Variants in ARHGAP22 observed in about 807,000 individuals in gnomAD.
ARHGAP22 encodes Rho GTPase activating protein 22.
Under a neutral mutation model 59.1 loss-of-function variants are expected in ARHGAP22, and 48 were observed. That is an observed-to-expected ratio of 0.81 (90% CI 0.64 to 1.03). The LOEUF is 1.03. Ranked by LOEUF, ARHGAP22 falls within the 50% of genes least tolerant of loss-of-function variation. The probability of loss-of-function intolerance (pLI) is 0.00; values close to 1 mark genes in which losing one functional copy is unlikely to be tolerated. For missense variants in ARHGAP22, 1,015 were observed against 958.7 expected (o/e 1.06, Z -0.78); for synonymous variants, 445 against 416.4 (o/e 1.07, Z -0.84).
intron 1 of ARHGAP22, among the ~76,000 whole-genome samples, chr10:48,598,399 A>G (rs999062664): frequency 2.4e-4 from 37 of 152,092 alleles, no homozygotes; most frequent in African/African-American, 8.5e-4. Flanking sequence ...GTGGTGCTGA[A>G]ACACTCTGGT....
At chr10:48,536,375 G>C (rs1160895844) in intron 3 of ARHGAP22, among the ~76,000 whole-genome samples, 1 of 152,240 alleles carries the variant, frequency 6.6e-6, no homozygotes, top group Non-Finnish European at 1.5e-5. Flanking sequence ...CTTCATGCTA[G>C]AGGACAAAGT....
At chr10:48,441,298 C>G (rs889237732), downstream of ARHGAP22, among the ~76,000 whole-genome samples, 3 of 152,062 alleles carry the variant, frequency 2.0e-5, no homozygotes, top group Non-Finnish European at 4.4e-5. Flanking sequence ...TAGAGAAGTG[C>G]AAGTGGGGCC....
At chr10:48,651,179 A>T (rs111309218) in intron 1 of ARHGAP22, among the ~76,000 whole-genome samples, 12 of 152,232 alleles carry the variant, frequency 7.9e-5, no homozygotes, top group African/African-American at 2.2e-4. Flanking sequence ...GGAGCCTGGG[A>T]ATTTTTAAAA....
intron 3 of ARHGAP22, among the ~76,000 whole-genome samples, chr10:48,536,568 G>T (rs1056990556): frequency 3.3e-5 from 5 of 152,120 alleles, no homozygotes; most frequent in African/African-American, 1.2e-4. Flanking sequence ...CTACAGCCAG[G>T]CCTCAATCCA....
intron 1 of ARHGAP22, 118 bp from the exon 2 acceptor site, chr10:48,583,270 A>T: frequency 8.2e-7 from 1 of 1,225,946 alleles, no homozygotes; most frequent in South Asian, 1.4e-5. Flanking sequence ...GGCCAGCAGG[A>T]TGTGAGCAGC....
chr10:48,566,557 A>G (rs1456236773), intron 2 of ARHGAP22, among the ~76,000 whole-genome samples: 1 of 152,188 alleles, frequency 6.6e-6, no homozygotes, highest in African/African-American at 2.4e-5. Context: ...CTTGCTGATG[A>G]CTTTCTCTTG....
chr10:48,546,614 C>A, intron 3 of ARHGAP22: 2 of 166,262 alleles, frequency 1.2e-5, no homozygotes, highest in South Asian at 3.0e-4. Context: ...CCATACCTGT[C>A]ATGAAAATCA....
At chr10:48,453,543 C>T in intron 7 of ARHGAP22, 118 bp from the exon 8 acceptor site, 3 of 1,470,516 alleles carry the variant, frequency 2.0e-6, no homozygotes, top group Non-Finnish European at 2.8e-6. Context: ...GGGCTTTTGC[C>T]CACTGGGTGT....
intron 2 of ARHGAP22, among the ~76,000 whole-genome samples, chr10:48,563,558 G>T (rs906041566): frequency 6.6e-6 from 1 of 152,180 alleles, no homozygotes; most frequent in Non-Finnish European, 1.5e-5. Flanking sequence ...TTAATTAAAT[G>T]CTTGCCATCG....
chr10:48,490,243 T>A (rs2050255366), intron 3 of ARHGAP22, among the ~76,000 whole-genome samples: 1 of 152,188 alleles, frequency 6.6e-6, no homozygotes, highest in African/African-American at 2.4e-5. Context: ...GTCTAAGTGT[T>A]CCCTTTTATT....
chr10:48,635,623 A>G (rs1337465794), intron 1 of ARHGAP22, among the ~76,000 whole-genome samples: 1 of 152,258 alleles, frequency 6.6e-6, no homozygotes, highest in Non-Finnish European at 1.5e-5. Context: ...TTCCAGGCTT[A>G]TGGCAGGTGA....
chr10:48,646,033 A>T (rs544058930), intron 1 of ARHGAP22, among the ~76,000 whole-genome samples: 1 of 152,342 alleles, frequency 6.6e-6, no homozygotes, highest in East Asian at 1.9e-4. Context: ...AGCAAAAATC[A>T]ATTGTATACC....
At chr10:48,530,031 GT>G (rs1325500060) in intron 3 of ARHGAP22, among the ~76,000 whole-genome samples, 1 of 152,108 alleles carries the variant, frequency 6.6e-6, no homozygotes, top group Non-Finnish European at 1.5e-5. Context: ...GAGGTCAAGA[GT>G]TCGAGACCAG....
intron 3 of ARHGAP22, 146 bp from the exon 4 acceptor site, chr10:48,479,910 TCC>T: frequency 1.4e-6 from 1 of 717,612 alleles, no homozygotes; most frequent in Non-Finnish European, 2.2e-6. Context: ...TCACAGTCCA[TCC>T]CTTTCACAAC....
chr10:48,629,229 G>A (rs764000796), intron 1 of ARHGAP22, among the ~76,000 whole-genome samples: 13 of 152,156 alleles, frequency 8.5e-5, no homozygotes, highest in Non-Finnish European at 1.8e-4. Flanking sequence ...CCCCAACTTA[G>A]GACAGCCTGG....
intron 4 of ARHGAP22, among the ~76,000 whole-genome samples, chr10:48,475,754 T>C (rs2048659592): frequency 6.6e-6 from 1 of 152,182 alleles, no homozygotes; most frequent in South Asian, 2.1e-4. Context: ...TAACTGGCTT[T>C]GGTCTTTCCT....
the ARHGAP22 span, chr10:48,435,377 T>C: frequency 5.3e-6 from 1 of 190,166 alleles, no homozygotes; most frequent in Non-Finnish European, 1.1e-5. Flanking sequence ...AAGCAACTAT[T>C]ATGTGGTGAC....
intron 6 of ARHGAP22, among the ~76,000 whole-genome samples, chr10:48,454,725 G>A (rs1311639201): frequency 1.3e-5 from 2 of 152,174 alleles, no homozygotes; most frequent in South Asian, 2.1e-4. Flanking sequence ...GCCAGAGCTG[G>A]GCACACCGGA....
intron 5 of ARHGAP22, among the ~76,000 whole-genome samples, chr10:48,456,284 C>G (rs1028998771): frequency 1.3e-5 from 2 of 152,162 alleles, no homozygotes; most frequent in Admixed American, 1.3e-4. Context: ...AGATAAATAC[C>G]TTCTGGCCCT....
Sources: gnomAD v4.1 joint callset for allele counts (sites outside exome capture counted in the v4.1 genomes callset) on GRCh38, gnomAD v4.1.1 for gene constraint, MANE v1.5 for transcripts, NCBI Gene and HGNC (gene_info 2026-07-23, HGNC 2026-07-21) for gene names.